Variants in NR1D2 observed in about 807,000 individuals in gnomAD.
NR1D2 encodes V-erbA-related protein 1-related.
NR1D2 carries 25 observed loss-of-function variants against 52.2 expected under a neutral mutation model. The ratio of observed to expected loss-of-function variants is 0.48; its 90% CI spans 0.35 to 0.67. NR1D2 has a LOEUF of 0.67. NR1D2 is among the 30% of genes least tolerant of loss of function. NR1D2 has a pLI of 0.01. For synonymous variants in NR1D2, 259 were observed against 230.1 expected (o/e 1.13, Z -1.14); for missense variants, 681 against 707.2 (o/e 0.96, Z 0.42).
At chr3:23,961,908 T>G in intron 4 of NR1D2, 69 bp from the exon 5 acceptor site, 3 of 1,409,142 alleles carry the variant, frequency 2.1e-6, no homozygotes, top group Non-Finnish European at 2.9e-6. Context: ...TGGATAATTT[T>G]GTGTTATTCT....
chr3:23,954,700 C>G lies in NR1D2; in HGVS notation c.180C>G (p.Leu60=), dbSNP rs143411191. The G allele has an allele frequency of 8.7e-6, 14 of 1,613,948 alleles. No individual in the cohort carries two copies. The South Asian group carries it at 1.4e-4, about 16-fold the overall frequency. The part of the protein sequence containing the change: ...DTNGNPKNGD[L]ANIEGILKND... ...ATGGTAATCCCAAGAATGGTGATCT[C>G]GCCAATATTGAAGGCATCTTGAAGA... The change falls in exon 2 of 8, where the codon CTC becomes CTG. Residue 60 remains leucine, a synonymous_variant. Coordinates refer to ENST00000312521, the MANE Select transcript of NR1D2 (RefSeq NM_005126.5).
chr3:23,962,465 A>G lies in NR1D2; in HGVS notation c.1006A>G (p.Ile336Val), dbSNP rs759279147. ...NIMHYPNGHA[I>V]CIANGHCMNF... ...AATGCATTACCCAAATGGTCATGCCATTTGTATTGCAAATGGACATTGTAT... is the reference window on the plus strand; with the variant it reads ...AATGCATTACCCAAATGGTCATGCCGTTTGTATTGCAAATGGACATTGTAT... Residue 336 changes from isoleucine (I) to valine (V), a missense_variant, in exon 5 of 8, where the codon ATT becomes GTT. Physicochemically the swap from Ile to Val is conservative, Grantham distance 29 (BLOSUM62 3). Coordinates refer to ENST00000312521, the MANE Select transcript of NR1D2 (RefSeq NM_005126.5). The G allele has an allele frequency of 6.2e-7, 1 of 1,614,220 alleles. No homozygotes were observed. Among genetic ancestry groups the G allele is most frequent in the Non-Finnish European group, 8.5e-7 (1 of 1,180,028 alleles).
chr3:23,956,078 G>A lies in NR1D2; in HGVS notation c.325G>A (p.Val109Met), dbSNP rs1205849812. 6.2e-7 allele frequency: 1 copy of A among 1,614,112 alleles called. No individual in the cohort carries two copies. The highest frequency in any genetic ancestry group is 1.3e-5 in the African/African-American group (1 of 75,060). Residue 109 changes from valine to methionine, a missense_variant, in exon 3 of 8, where the codon GTG becomes ATG. Coordinates refer to ENST00000312521, the MANE Select transcript of NR1D2 (RefSeq NM_005126.5). ...MVLLCKVCGD[V>M]ASGFHYGVHA... is the part of the protein sequence containing the mutation. ...TCTACTGTGTAAAGTCTGTGGGGAT[G>A]TGGCGTCAGGATTCCACTATGGAGT...
intron 1 of NR1D2, chr3:23,946,266 C>T (rs891648029): frequency 1.0e-6 from 1 of 985,486 alleles, no homozygotes; most frequent in African/African-American, 1.7e-5. Flanking sequence ...GACCCCAAGG[C>T]GCGGACCCCG....
Position 23,961,971 on chromosome 3 carries a change from C to T in NR1D2, c.518-6C>T, listed in dbSNP as rs1230909883. The T allele has an allele frequency of 2.5e-6, 4 of 1,577,744 alleles. No homozygotes were observed. Among genetic ancestry groups the T allele is most frequent in the Middle Eastern group, 1.7e-4 (1 of 5,862 alleles). On this transcript the variant is annotated splice_region_variant and splice_polypyrimidine_tract_variant and intron_variant, in intron 4 of 7. Transcript: ENST00000312521. ...TATAGACGTTAAATATCTTTTTCTT[C>T]AATAGCTGTTCGGTTTGGTCGTATT...
At chr3:23,974,803 A>G (rs1706680982) in intron 7 of NR1D2, among the ~76,000 whole-genome samples, 1 of 149,982 alleles carries the variant, frequency 6.7e-6, no homozygotes, top group East Asian at 2.0e-4. Context: ...CCCTACCCCC[A>G]CAAACCAATA....
Position 23,962,592 on chromosome 3 carries a change from G to A in NR1D2, c.1133G>A (p.Gly378Glu). The A allele has an allele frequency of 6.2e-7, 1 of 1,600,886 alleles. No individual in the cohort carries two copies. Among genetic ancestry groups the A allele is most frequent in the South Asian group, 1.1e-5 (1 of 90,162 alleles). ...NKNSYLCNTG[G>E]RMHLVCPMSK... Reference sequence around the variant, plus strand: ...AATAGTTACCTGTGCAACACTGGAGGAAGAATGCATCTGGTATAGTGAAAT... The same window carrying A: ...AATAGTTACCTGTGCAACACTGGAGAAAGAATGCATCTGGTATAGTGAAAT... The change falls in exon 5 of 8, where the codon GGA (glycine) becomes GAA (glutamate). Residue 378 changes from glycine to glutamate, a missense_variant. Gly to Glu is a moderately conservative substitution (Grantham distance 98, BLOSUM62 -2). Transcript: ENST00000312521.
chr3:23,956,131 G>A lies in NR1D2; in HGVS notation c.372+6G>A, dbSNP rs1156630057. ...ATGCTTGCGAAGGCTGTAAGGTAAAGCATGCTTTTGTTTCTTTAAGCTACT... is the reference window on the plus strand; with the variant it reads ...ATGCTTGCGAAGGCTGTAAGGTAAAACATGCTTTTGTTTCTTTAAGCTACT... On this transcript the variant is annotated splice_donor_region_variant and intron_variant, in intron 3 of 7. Transcript: ENST00000312521. The A allele has an allele frequency of 6.2e-7, 1 of 1,609,472 alleles. No individual in the cohort carries two copies. Among genetic ancestry groups the A allele is most frequent in the Non-Finnish European group, 8.5e-7 (1 of 1,175,906 alleles).
chr3:23,949,400 T>C (rs539546257), intron 1 of NR1D2, among the ~76,000 whole-genome samples: 1 of 152,242 alleles, frequency 6.6e-6, no homozygotes, highest in Admixed American at 6.5e-5. Context: ...CCATTTATTT[T>C]TGTGTCACCC....
At chr3:23,967,390 G>A (rs1706474592) in intron 6 of NR1D2, among the ~76,000 whole-genome samples, 1 of 152,062 alleles carries the variant, frequency 6.6e-6, no homozygotes, top group African/African-American at 2.4e-5. Context: ...TGAAGCGGGT[G>A]GATCACCTGA....
In NR1D2 at chr3:23,953,214, G is replaced by A. The variant is rs538734785; in HGVS notation, c.17-1323G>A. On this transcript the variant is annotated intron_variant, in intron 1 of 7. Transcript: ENST00000312521. ...AAAAATTGGCTGGGGGTGGTGGCAT[G>A]TGACTGTAGTCCCAGCTATTCAGGA... Among the ~76,000 whole-genome samples the A allele has an allele frequency of 6.6e-5, 10 of 151,546 alleles. No homozygotes were observed. The South Asian group carries it at 1.9e-3, about 28-fold the overall frequency.
chr3:23,957,608 A>G (rs1443479328), intron 3 of NR1D2, among the ~76,000 whole-genome samples: 12 of 151,540 alleles, frequency 7.9e-5, no homozygotes, highest in African/African-American at 2.4e-4. Flanking sequence ...CTGTAGTCCC[A>G]GCTACTCGGG....
chr3:23,956,145 C>CT lies in NR1D2; in HGVS notation c.372+23dup, dbSNP rs763865498. The CT allele has an allele frequency of 5.7e-6, 9 of 1,572,032 alleles. No individual in the cohort carries two copies. In the South Asian group the frequency reaches 8.9e-5, roughly 15 times the overall value. ...TGTAAGGTAAAGCATGCTTTTGTTT[C>CT]TTTAAGCTACTGATTCTGGGATTTA... On this transcript the variant is annotated intron_variant, in intron 3 of 7. Coordinates refer to ENST00000312521, the MANE Select transcript of NR1D2 (RefSeq NM_005126.5).
chr3:23,977,487 GTGT>G lies in NR1D2; in HGVS notation c.*69_*71del, dbSNP rs1343496655. The G allele has an allele frequency of 9.7e-7, 1 of 1,028,908 alleles. No homozygotes were observed. Among genetic ancestry groups the G allele is most frequent in the Non-Finnish European group, 1.4e-6 (1 of 714,034 alleles). 63.7% of individuals were successfully genotyped at this position (1,028,908 alleles called of 1,614,324 possible). ...TTTGTGCTAAAATGCATATTTATAT[GTGT>G]ATACCATATGTGGAGATAGAAAAGA... is the stretch of plus-strand genomic sequence containing the variant. On this transcript the variant is annotated 3_prime_UTR_variant, in exon 8 of 8. Transcript: ENST00000312521.
At position 23,954,835 on chromosome 3, in the gene NR1D2, C is replaced by A. The variant is rs202032439; in HGVS notation, c.283+32C>A. On this transcript the variant is annotated intron_variant, in intron 2 of 7. Transcript: ENST00000312521. Reference sequence around the variant, plus strand: ...TACTTTGGTTTTCTAAAGATTGCTGCCATTAATTGCAAATGGGGCTTATTT... The same window carrying A: ...TACTTTGGTTTTCTAAAGATTGCTGACATTAATTGCAAATGGGGCTTATTT... 28 of 1,600,354 alleles carry A rather than the reference C, an allele frequency of 1.7e-5. No homozygotes were observed. The Admixed American group carries it at 4.7e-4, about 27-fold the overall frequency.
At chr3:23,949,627 A>C (rs545940358) in intron 1 of NR1D2, among the ~76,000 whole-genome samples, 1 of 152,362 alleles carries the variant, frequency 6.6e-6, no homozygotes, top group South Asian at 2.1e-4. Flanking sequence ...TGTTCTCTGG[A>C]GCCCTGACAC....
intron 3 of NR1D2, among the ~76,000 whole-genome samples, chr3:23,958,452 C>T (rs887382015): frequency 6.6e-6 from 1 of 151,890 alleles, no homozygotes; most frequent in African/African-American, 2.4e-5. Context: ...TGAGACCCAC[C>T]TGGGCAACAT....
chr3:23,949,675 C>T (rs765481859), intron 1 of NR1D2, among the ~76,000 whole-genome samples: 22 of 152,230 alleles, frequency 1.4e-4, no homozygotes, highest in Non-Finnish European at 2.8e-4. Flanking sequence ...TCAGTTAGAT[C>T]TACTCTACCA....
At chr3:23,960,820 A>G (rs1231032586) in intron 4 of NR1D2, among the ~76,000 whole-genome samples, 2 of 152,210 alleles carry the variant, frequency 1.3e-5, no homozygotes, top group Admixed American at 1.3e-4. Context: ...AACATGATTA[A>G]GTTGTTTGTT....
Sources: gnomAD v4.1 joint callset for allele counts (sites outside exome capture counted in the v4.1 genomes callset) on GRCh38, gnomAD v4.1.1 for gene constraint, MANE v1.5 for transcripts, NCBI Gene and HGNC (gene_info 2026-07-23, HGNC 2026-07-21) for gene names.